FSTL5: variants seen among roughly 807,000 people sequenced by gnomAD.
FSTL5 encodes follistatin like 5, also known as follistatin-related protein 5.
FSTL5 carries 62 observed loss-of-function variants against 89.1 expected under a neutral mutation model. The ratio of observed to expected loss-of-function variants is 0.70; its 90% CI spans 0.57 to 0.86. The LOEUF (loss-of-function observed/expected upper bound fraction) is 0.86. Ranked by LOEUF, FSTL5 falls within the 40% of genes least tolerant of loss-of-function variation. The pLI, the probability that FSTL5 is intolerant of heterozygous loss-of-function variation, is 0.00. For missense variants in FSTL5, 1,057 were observed against 1,001.6 expected (o/e 1.06, Z -0.75); for synonymous variants, 383 against 346.2 (o/e 1.11, Z -1.18).
chr4:161,953,611 CT>C (rs1226504806), intron 3 of FSTL5, among the ~76,000 whole-genome samples: 1 of 151,480 alleles, frequency 6.6e-6, no homozygotes, highest in Non-Finnish European at 1.5e-5. Context: ...CTATCTTTGC[CT>C]TGGTAAAGGC....
intron 15 of FSTL5, among the ~76,000 whole-genome samples, chr4:161,420,259 A>G (rs945061717): frequency 2.6e-5 from 4 of 152,232 alleles, no homozygotes; most frequent in African/African-American, 9.6e-5. Flanking sequence ...GGGGATACAG[A>G]ATGAGTAGTG....
intron 3 of FSTL5, among the ~76,000 whole-genome samples, chr4:161,962,241 A>G (rs936796975): frequency 2.6e-5 from 4 of 151,938 alleles, no homozygotes; most frequent in Non-Finnish European, 4.4e-5. Context: ...CATTTTGACT[A>G]TTTATATAAA....
At chr4:161,640,541 T>A (rs1735916464) in intron 7 of FSTL5, among the ~76,000 whole-genome samples, 1 of 152,156 alleles carries the variant, frequency 6.6e-6, no homozygotes, top group East Asian at 1.9e-4. Flanking sequence ...CTAGTGGGAT[T>A]CAAATGCAGA....
chr4:161,866,632 T>C (rs949615923), intron 4 of FSTL5, among the ~76,000 whole-genome samples: 3 of 152,072 alleles, frequency 2.0e-5, no homozygotes, highest in African/African-American at 4.8e-5. Context: ...GAATACTGAG[T>C]GAATTATTCA....
At chr4:161,434,751 A>C (rs983569660) in intron 15 of FSTL5, among the ~76,000 whole-genome samples, 4 of 152,098 alleles carry the variant, frequency 2.6e-5, no homozygotes, top group African/African-American at 9.6e-5. Flanking sequence ...ATCCAGTTAA[A>C]ACTAACTGGG....
At chr4:161,801,418 G>A (rs1294738410) in intron 4 of FSTL5, among the ~76,000 whole-genome samples, 1 of 151,426 alleles carries the variant, frequency 6.6e-6, no homozygotes, top group Admixed American at 6.6e-5. Flanking sequence ...ATGCCTTCAT[G>A]TGGTCTGGGA....
intron 3 of FSTL5, among the ~76,000 whole-genome samples, chr4:162,026,528 A>G (rs1737302293): frequency 6.6e-6 from 1 of 151,674 alleles, no homozygotes. Flanking sequence ...GGCTGTTTGG[A>G]AACTCCTGAC....
In FSTL5 at chr4:161,676,188, C is replaced by T. The variant is rs147714465; in HGVS notation, c.728-19694G>A. Among the ~76,000 whole-genome samples, 908 of 152,058 alleles carry T rather than the reference C, an allele frequency of 6.0e-3. 9 individuals carry two copies. Among genetic ancestry groups the T allele is most frequent in the South Asian group, 0.046 (221 of 4,820 alleles). ...AAAGTTATGAATATGATTAAACTAC[C>T]AAACATTACCAATCCAAGTAATTCC... On this transcript the variant is annotated intron_variant, in intron 6 of 15. Coordinates refer to ENST00000306100, the MANE Select transcript of FSTL5 (RefSeq NM_020116.5).
intron 10 of FSTL5, among the ~76,000 whole-genome samples, chr4:161,525,048 T>C (rs568806967): frequency 3.9e-4 from 59 of 152,248 alleles, no homozygotes; most frequent in African/African-American, 1.3e-3. Flanking sequence ...CCATCAAAGA[T>C]CAGCTCTATG....
intron 8 of FSTL5, among the ~76,000 whole-genome samples, chr4:161,573,671 T>G (rs1578936475): frequency 7.4e-6 from 1 of 135,070 alleles, no homozygotes; most frequent in Non-Finnish European, 1.5e-5. Context: ...AGGAGGAGGT[T>G]GTGGTGAGCC....
intron 2 of FSTL5, among the ~76,000 whole-genome samples, chr4:162,056,288 T>C (rs763580095): frequency 2.6e-5 from 4 of 152,034 alleles, no homozygotes; most frequent in South Asian, 2.1e-4. Context: ...CTAGAATCAA[T>C]GCTGATGATT....
chr4:161,569,315 A>G (rs1578932749), intron 8 of FSTL5, among the ~76,000 whole-genome samples: 1 of 152,304 alleles, frequency 6.6e-6, no homozygotes, highest in Non-Finnish European at 1.5e-5. Flanking sequence ...ATTTCTTGGT[A>G]TCCAAGATCT....
At chr4:161,409,479 T>C (rs12650078) in intron 15 of FSTL5, among the ~76,000 whole-genome samples, 7,176 of 152,066 alleles carry the variant, frequency 0.047, 427 homozygotes, top group East Asian at 0.19. Context: ...CCTCCCAGGT[T>C]CAAGCTATTC....
intron 3 of FSTL5, among the ~76,000 whole-genome samples, chr4:161,999,846 A>G (rs983841526): frequency 6.6e-6 from 1 of 152,330 alleles, no homozygotes; most frequent in Non-Finnish European, 1.5e-5. Flanking sequence ...GAAAACCATC[A>G]AAGTCATCTC....
intron 1 of FSTL5, among the ~76,000 whole-genome samples, chr4:162,119,118 T>C (rs1475827379): frequency 2.0e-5 from 3 of 151,992 alleles, no homozygotes; most frequent in Admixed American, 2.0e-4. Context: ...GCTACTCTAC[T>C]TGGGAGACTT....
intron 15 of FSTL5, among the ~76,000 whole-genome samples, chr4:161,444,284 A>C (rs1732873798): frequency 6.6e-6 from 1 of 151,984 alleles, no homozygotes; most frequent in South Asian, 2.1e-4. Flanking sequence ...GGACATGAGC[A>C]GACAGCAAAA....
At chr4:161,548,268 T>G (rs548863361) in intron 8 of FSTL5, among the ~76,000 whole-genome samples, 1 of 152,008 alleles carries the variant, frequency 6.6e-6, no homozygotes, top group Non-Finnish European at 1.5e-5. Context: ...TGCGATAAAC[T>G]GTAAACTGTT....
At chr4:162,049,879 C>T (rs919087773) in intron 2 of FSTL5, among the ~76,000 whole-genome samples, 2 of 151,616 alleles carry the variant, frequency 1.3e-5, no homozygotes, top group Admixed American at 6.6e-5. Flanking sequence ...AAAGAAAACC[C>T]AAGTGAAAAT....
chr4:162,075,312 T>G (rs2111319819), intron 2 of FSTL5, among the ~76,000 whole-genome samples: 1 of 151,946 alleles, frequency 6.6e-6, no homozygotes, highest in Admixed American at 6.6e-5. Context: ...TTTCTCCAAT[T>G]AGATGAATTT....
Sources: gnomAD v4.1 joint callset for allele counts (sites outside exome capture counted in the v4.1 genomes callset) on GRCh38, gnomAD v4.1.1 for gene constraint, MANE v1.5 for transcripts, NCBI Gene and HGNC (gene_info 2026-07-23, HGNC 2026-07-21) for gene names.